HIVEP3: variants seen among roughly 807,000 people sequenced by gnomAD.
HIVEP3 encodes the protein HIVEP zinc finger 3, also known as transcription factor HIVEP3.
A neutral mutation model predicts 152.8 loss-of-function variants in HIVEP3; 49 were observed. That is an observed-to-expected ratio of 0.32 (90% confidence interval 0.26 to 0.41). The LOEUF (loss-of-function observed/expected upper bound fraction) is 0.41. Among genes scored for constraint, HIVEP3 ranks in the 10% least tolerant of loss-of-function variants. The pLI is 1.00. For synonymous variants in HIVEP3, 1,269 were observed against 1,289.0 expected, an observed-to-expected ratio of 0.98 and a Z score of 0.33; for missense variants, 2,790 against 3,103.3, an observed-to-expected ratio of 0.90 and a Z score of 2.40.
chr1:41,802,818 C>T (rs984611256), intron 1 of HIVEP3, among the ~76,000 whole-genome samples: 1 of 152,178 alleles, frequency 6.6e-6, no homozygotes, highest in Non-Finnish European at 1.5e-5. Context: ...TTCTTTCTTC[C>T]CAGTCCCATC....
chr1:41,787,695 AAT>A (rs1491501491), intron 1 of HIVEP3, among the ~76,000 whole-genome samples: 6 of 146,396 alleles, frequency 4.1e-5, no homozygotes, highest in East Asian at 3.9e-4. Context: ...TAATTAAAAA[AAT>A]TTTTTTTTTT....
At chr1:41,736,967 A>G (rs1646928058) in intron 1 of HIVEP3, among the ~76,000 whole-genome samples, 1 of 152,094 alleles carries the variant, frequency 6.6e-6, no homozygotes, top group Non-Finnish European at 1.5e-5. Flanking sequence ...TCCAGCCACC[A>G]CCTACCCCTT....
chr1:41,727,248 C>G (rs764349591), intron 1 of HIVEP3, among the ~76,000 whole-genome samples: 8 of 152,238 alleles, frequency 5.3e-5, no homozygotes, highest in Non-Finnish European at 1.0e-4. Flanking sequence ...GAGAAAGAGC[C>G]TGGGGCCCAG....
In HIVEP3 at chr1:41,662,335, C is replaced by A. The variant is rs1016421809; in HGVS notation, c.-720-33388G>T. On this transcript the variant is annotated intron_variant, in intron 2 of 8. Transcript: ENST00000372583. The surrounding 1 kb of genome is among the most constrained non-coding windows in gnomAD (Gnocchi z 7.2). ...GGTGGGCGCGGGGCGGGCTGGCGGG[C>A]GGGCGCCGGCGGCGGGCGCGGCTCC... The A allele has an allele frequency of 6.9e-6, 1 of 145,052 alleles. No homozygotes were observed. Among genetic ancestry groups the A allele is most frequent in the East Asian group, 2.0e-4 (1 of 4,978 alleles). 9.0% of individuals were successfully genotyped at this position (145,052 alleles called of 1,614,324 possible). A position where few individuals can be genotyped will look rare whatever the true frequency, so the allele number is the denominator to read the frequency against.
rs566812319 is a variant in HIVEP3 at position 41,510,708 on chromosome 1, G to A, written c.6964C>T (p.Arg2322Cys). The change falls in exon 9 of 9, where the codon CGC (arginine) becomes TGC (cysteine). Residue 2322 changes from arginine to cysteine, a missense_variant. Around this residue, in one of 9 missense-constraint regions of HIVEP3, gnomAD observed 816 missense variants for 806.5 expected, o/e 1.01. Coordinates refer to ENST00000372583, the MANE Select transcript of HIVEP3 (RefSeq NM_024503.5). ...PDTLPRPPQG[R>C]RAAQSWSPRL... ...GGGCTCCAGGACTGCGCTGCCCGGCGTCCCTGGGGCGGCCGGGGCAAGGTG... is the reference window on the plus strand; with the variant it reads ...GGGCTCCAGGACTGCGCTGCCCGGCATCCCTGGGGCGGCCGGGGCAAGGTG... The A allele has an allele frequency of 4.2e-5, 64 of 1,529,890 alleles. No homozygotes were observed. Among genetic ancestry groups the A allele is most frequent in the South Asian group, 1.1e-4 (9 of 81,480 alleles). The allele number at this position is 1,529,890 out of a possible 1,614,324, so 94.8% of individuals were successfully genotyped here. A position where few individuals can be genotyped will look rare whatever the true frequency, so the allele number is the denominator to read the frequency against.
chr1:41,543,853 T>C (rs1643594607), intron 5 of HIVEP3: 1 of 152,192 alleles, frequency 6.6e-6, no homozygotes, highest in Non-Finnish European at 1.5e-5. Flanking sequence ...TGAAAGTTTT[T>C]CGTTGACTGG....
chr1:41,724,365 C>A (rs1413536743), intron 1 of HIVEP3, among the ~76,000 whole-genome samples: 3 of 152,206 alleles, frequency 2.0e-5, no homozygotes, highest in Non-Finnish European at 2.9e-5. Context: ...AAAGGGCTGG[C>A]CTTCATATGG....
chr1:41,544,806 ACCAC>A, intron 5 of HIVEP3, among the ~76,000 whole-genome samples: 2 of 141,664 alleles, frequency 1.4e-5, no homozygotes, highest in African/African-American at 2.6e-5. Context: ...CATCACCACC[ACCAC>A]TACCACCTCT....
At chr1:41,777,041 T>G (rs1648747554) in intron 1 of HIVEP3, among the ~76,000 whole-genome samples, 1 of 152,184 alleles carries the variant, frequency 6.6e-6, no homozygotes, top group Admixed American at 6.5e-5. Flanking sequence ...TCAGGTTCTC[T>G]TCCCCTGGGT....
intron 3 of HIVEP3, among the ~76,000 whole-genome samples, chr1:41,605,375 G>GCA (rs57942643): frequency 0.013 from 1,685 of 126,652 alleles, 15 homozygotes; most frequent in East Asian, 0.038. Flanking sequence ...ACGCACACGC[G>GCA]CACACACACA....
At chr1:41,844,200 A>G (rs1395527151) in intron 1 of HIVEP3, among the ~76,000 whole-genome samples, 1 of 152,200 alleles carries the variant, frequency 6.6e-6, no homozygotes, top group African/African-American at 2.4e-5. Context: ...CAAACTGAGA[A>G]TCAGTTCAGC....
chr1:41,567,862 G>GA (rs542630809), intron 5 of HIVEP3, among the ~76,000 whole-genome samples: 4 of 152,244 alleles, frequency 2.6e-5, no homozygotes, highest in Non-Finnish European at 1.5e-5. Context: ...CCCAGACCAA[G>GA]CCTGCCTTCA....
At chr1:41,933,418 C>T (rs2124481565) in intron 1 of HIVEP3, among the ~76,000 whole-genome samples, 2 of 152,068 alleles carry the variant, frequency 1.3e-5, no homozygotes, top group Admixed American at 1.3e-4. Context: ...ATTTGATGTT[C>T]CTTTTTATCC....
rs76978541 is a variant in HIVEP3 at position 41,852,904 on chromosome 1, G to A, written c.-801+65509C>T. Among the ~76,000 whole-genome samples the A allele has an allele frequency of 2.9e-3, 438 of 152,282 alleles. 2 individuals carry two copies. Among genetic ancestry groups the A allele is most frequent in the African/African-American group, 9.9e-3 (412 of 41,550 alleles). ...ACTTACAGCTGAGCACAGATTTCAC[G>A]CAGAACTGTGTAAAGTTGTCCTTGG... On this transcript the variant is annotated intron_variant, in intron 1 of 8. Coordinates refer to ENST00000372583, the MANE Select transcript of HIVEP3 (RefSeq NM_024503.5).
At chr1:41,677,411 C>T (rs139130527) in intron 2 of HIVEP3, among the ~76,000 whole-genome samples, 136 of 152,320 alleles carry the variant, frequency 8.9e-4, no homozygotes, top group Middle Eastern at 6.8e-3. Flanking sequence ...TTAGCTCTGC[C>T]GTGCACCAGC....
chr1:41,575,296 C>A (rs547620396), intron 5 of HIVEP3, among the ~76,000 whole-genome samples: 2 of 152,158 alleles, frequency 1.3e-5, no homozygotes, highest in African/African-American at 4.8e-5. Context: ...TGGAGAAAGA[C>A]CCAGACCTCT....
At chr1:41,590,573 A>T (rs758043264) in intron 3 of HIVEP3, among the ~76,000 whole-genome samples, 13 of 152,240 alleles carry the variant, frequency 8.5e-5, no homozygotes, top group Non-Finnish European at 1.6e-4. Context: ...AGACAGTGTG[A>T]AGCAAAGCCA....
At chr1:41,980,028 G>T (rs1017201052) in intron 1 of HIVEP3, among the ~76,000 whole-genome samples, 2 of 152,200 alleles carry the variant, frequency 1.3e-5, no homozygotes, top group African/African-American at 2.4e-5. Context: ...AGGGCTTTGT[G>T]TCTGCTCTAA....
At chr1:41,789,916 C>T (rs949899702) in intron 1 of HIVEP3, among the ~76,000 whole-genome samples, 2 of 152,214 alleles carry the variant, frequency 1.3e-5, no homozygotes, top group Non-Finnish European at 2.9e-5. Context: ...GCAGCTTATG[C>T]ATAGACAGCT....
Sources: gnomAD v4.1 joint callset for allele counts (sites outside exome capture counted in the v4.1 genomes callset) on GRCh38, gnomAD v4.1.1 for gene constraint, gnomAD v4.1.1 regional missense constraint, Gnocchi (gnomAD v3.1) non-coding constraint, MANE v1.5 for transcripts, NCBI Gene and HGNC (gene_info 2026-07-23, HGNC 2026-07-21) for gene names.